Variants in HMGB1 observed in about 807,000 individuals in gnomAD.
HMGB1 encodes the protein high mobility group box 1, also known as high mobility group protein B1.
For missense variants in HMGB1, 79 were observed against 253.5 expected, an observed-to-expected ratio of 0.31 and a Z score of 4.67; for synonymous variants, 81 against 84.0, an observed-to-expected ratio of 0.96 and a Z score of 0.19.
chr13:30,466,476 T>C (rs1886790193), upstream of HMGB1, among the ~76,000 whole-genome samples: 1 of 152,196 alleles, frequency 6.6e-6, no homozygotes, highest in African/African-American at 2.4e-5. Flanking sequence ...AGGTCTCTGA[T>C]TGCGTTACAC....
chr13:30,478,861 CT>C (rs998202301), intron 1 of HMGB1, among the ~76,000 whole-genome samples: 1 of 135,128 alleles, frequency 7.4e-6, no homozygotes, highest in Non-Finnish European at 1.7e-5. Context: ...TTTTTCTTTT[CT>C]TTTCTTTTCT....
chr13:30,531,606 TA>T (rs1802849411), intron 1 of HMGB1, among the ~76,000 whole-genome samples: 1 of 151,490 alleles, frequency 6.6e-6, no homozygotes, highest in African/African-American at 2.4e-5. Context: ...ATGCTCATTG[TA>T]AAATATTTTA....
chr13:30,467,210 C>T (rs1386727993), upstream of HMGB1, among the ~76,000 whole-genome samples: 2 of 151,950 alleles, frequency 1.3e-5, no homozygotes, highest in African/African-American at 4.8e-5. Flanking sequence ...TCAGTTATAA[C>T]AGACTTCCCT....
At chr13:30,461,676 G>T in intron 4 of HMGB1, 143 bp from the exon 5 acceptor site, 2 of 1,580,532 alleles carry the variant, frequency 1.3e-6, no homozygotes, top group Non-Finnish European at 1.7e-6. Context: ...AGCAACTCCA[G>T]AAATAACTAG....
chr13:30,557,098 A>G (rs952507599), intron 1 of HMGB1, among the ~76,000 whole-genome samples: 2 of 152,220 alleles, frequency 1.3e-5, no homozygotes, highest in Non-Finnish European at 2.9e-5. Flanking sequence ...ATTTACTTAT[A>G]TAACAAATTA....
At chr13:30,551,475 C>T (rs1165516201) in intron 1 of HMGB1, among the ~76,000 whole-genome samples, 2 of 152,210 alleles carry the variant, frequency 1.3e-5, no homozygotes, top group African/African-American at 2.4e-5. Context: ...AATACCATAA[C>T]ATAAAAACTA....
chr13:30,490,026 CAAAAAAAAAAA>C (rs780306690), intron 1 of HMGB1, among the ~76,000 whole-genome samples: 4 of 65,652 alleles, frequency 6.1e-5, no homozygotes, highest in African/African-American at 1.8e-4. Context: ...GCGCTGGTCT[CAAAAAAAAAAA>C]AAAAAAAAAA....
intron 1 of HMGB1, among the ~76,000 whole-genome samples, chr13:30,605,686 T>C (rs1950450822): frequency 6.6e-6 from 1 of 152,220 alleles, no homozygotes; most frequent in African/African-American, 2.4e-5. Context: ...TAAACAATGA[T>C]ACATTCTCTT....
At position 30,516,399 on chromosome 13, in the gene HMGB1, C is replaced by T. The variant is rs560269059; in HGVS notation, c.-14-52705G>A. On this transcript the variant is annotated intron_variant, in intron 1 of 4. Coordinates refer to the HMGB1 transcript ENST00000405805. ...AAATTTGAAAAGTGATTTTTAACAA[C>T]TGTATTAATTTTAACAAAATACCCA... Among the ~76,000 whole-genome samples, 12 of 152,206 alleles carry T rather than the reference C, an allele frequency of 7.9e-5. No individual in the cohort carries two copies. In the South Asian group the frequency reaches 2.5e-3, roughly 32 times the overall value.
intron 1 of HMGB1, among the ~76,000 whole-genome samples, chr13:30,496,379 T>C (rs1284341713): frequency 6.6e-6 from 1 of 152,212 alleles, no homozygotes; most frequent in Non-Finnish European, 1.5e-5. Flanking sequence ...GCCTGGCACA[T>C]GGGCCTCCCC....
intron 1 of HMGB1, among the ~76,000 whole-genome samples, chr13:30,525,776 G>C (rs1056387122): frequency 3.3e-5 from 5 of 151,892 alleles, no homozygotes; most frequent in African/African-American, 1.2e-4. Context: ...GAACAGCATG[G>C]GGAAATGGCC....
intron 1 of HMGB1, among the ~76,000 whole-genome samples, chr13:30,508,591 T>G (rs1222084943): frequency 6.6e-6 from 1 of 152,182 alleles, no homozygotes; most frequent in Non-Finnish European, 1.5e-5. Flanking sequence ...TGTTTGATCC[T>G]TGTACTCAGT....
intron 1 of HMGB1, among the ~76,000 whole-genome samples, chr13:30,599,208 C>G (rs1200115610): frequency 6.6e-6 from 1 of 152,180 alleles, no homozygotes; most frequent in African/African-American, 2.4e-5. Context: ...ACGGCTCACG[C>G]CTGTAATCCC....
At chr13:30,561,766 T>C (rs1214861381) in intron 1 of HMGB1, among the ~76,000 whole-genome samples, 1 of 152,120 alleles carries the variant, frequency 6.6e-6, no homozygotes, top group East Asian at 1.9e-4. Context: ...AAGCATGATT[T>C]AAATGCTGCT....
At position 30,538,496 on chromosome 13, in the gene HMGB1, TTCTTTCTTTC is replaced by T. The variant is rs1274655466; in HGVS notation, c.-14-74812_-14-74803del. On this transcript the variant is annotated intron_variant, in intron 1 of 4. Transcript: ENST00000405805. ...TTTCTTTCTTTCTTTCTTTCTTTCT[TTCTTTCTTTC>T]TTTCCTTTCTTTCTTTCCTTTCTTT... Among the ~76,000 whole-genome samples, 7 of 46,314 alleles carry T rather than the reference TTCTTTCTTTC, an allele frequency of 1.5e-4. No homozygotes were observed. The Admixed American group carries it at 1.8e-3, about 12-fold the overall frequency. 30.4% of individuals were successfully genotyped at this position (46,314 alleles called of 152,430 possible). A position where few individuals can be genotyped will look rare whatever the true frequency, so the allele number is the denominator to read the frequency against.
chr13:30,612,219 G>A (rs7986447), intron 1 of HMGB1, among the ~76,000 whole-genome samples: 14,243 of 151,872 alleles, frequency 0.094, 648 homozygotes, highest in Middle Eastern at 0.13. Flanking sequence ...ATATACATAC[G>A]CACACATACA....
chr13:30,559,898 T>C lies in HMGB1; in HGVS notation c.-15+56773A>G, dbSNP rs566897351. On this transcript the variant is annotated intron_variant, in intron 1 of 4. Coordinates refer to the HMGB1 transcript ENST00000405805. The surrounding 1 kb of genome is among the most constrained non-coding windows in gnomAD (Gnocchi z 6.6). ...GAATATGCATTCATTCACCAAAATC[T>C]CATATTCCCAAAAAGCAGGAAAGGT... 3.3e-5 allele frequency among the ~76,000 whole-genome samples: 5 copies of C among 152,288 alleles called. No individual in the cohort carries two copies. In the South Asian group the frequency reaches 1.0e-3, roughly 32 times the overall value.
intron 1 of HMGB1, among the ~76,000 whole-genome samples, chr13:30,609,093 C>T (rs1355015722): frequency 6.6e-6 from 1 of 152,202 alleles, no homozygotes; most frequent in Non-Finnish European, 1.5e-5. Flanking sequence ...GAAACCCCGT[C>T]TCTACTAAAA....
rs9508782 is a variant in HMGB1 at position 30,538,523 on chromosome 13, C to T, written c.-14-74829G>A. 1.1e-3 allele frequency among the ~76,000 whole-genome samples: 98 copies of T among 85,230 alleles called. 1 individual carries two copies. Among genetic ancestry groups the T allele is most frequent in the African/African-American group, 6.0e-3 (93 of 15,512 alleles). 55.9% of individuals were successfully genotyped at this position (85,230 alleles called of 152,430 possible). ...CTTTCTTTCTTTCCTTTCTTTCTTT[C>T]CTTTCTTTCTTTCCTTTCTTTCTTT... On this transcript the variant is annotated intron_variant, in intron 1 of 4. Coordinates refer to the HMGB1 transcript ENST00000405805.
Sources: allele counts gnomAD v4.1 joint callset (sites outside exome capture counted in the v4.1 genomes callset), GRCh38; gene constraint gnomAD v4.1.1; non-coding constraint Gnocchi (gnomAD v3.1); transcripts MANE v1.5; gene names NCBI Gene and HGNC (gene_info 2026-07-23, HGNC 2026-07-21).